CCDC102B: variants seen among roughly 807,000 people sequenced by gnomAD.
CCDC102B encodes the protein coiled-coil domain-containing protein 102B.
A neutral mutation model predicts 57.4 loss-of-function variants in CCDC102B; 75 were observed. That is an observed-to-expected ratio of 1.31 (90% confidence interval 1.08 to 1.58). CCDC102B has a LOEUF of 1.58. Among genes scored for constraint, CCDC102B ranks in the 40% most tolerant of loss-of-function variants. CCDC102B has a pLI of 0.00. For missense variants in CCDC102B, 636 were observed against 582.6 expected, an observed-to-expected ratio of 1.09 and a Z score of -0.94; for synonymous variants, 206 against 201.9, an observed-to-expected ratio of 1.02 and a Z score of -0.17.
intron 4 of CCDC102B, among the ~76,000 whole-genome samples, chr18:68,847,966 T>G (rs924994110): frequency 5.9e-5 from 9 of 151,802 alleles, no homozygotes; most frequent in Non-Finnish European, 1.3e-4. Flanking sequence ...CTGATGTTCT[T>G]ATGTTTTTTT....
chr18:68,729,367 G>A (rs1277804855), intron 2 of CCDC102B, among the ~76,000 whole-genome samples: 1 of 152,080 alleles, frequency 6.6e-6, no homozygotes, highest in Non-Finnish European at 1.5e-5. Flanking sequence ...ATAGAGAAGA[G>A]CAAAAGTCCA....
intron 1 of CCDC102B, among the ~76,000 whole-genome samples, chr18:68,831,969 CTTTT>C (rs1222613507): frequency 6.6e-6 from 1 of 151,704 alleles, no homozygotes; most frequent in East Asian, 1.9e-4. Flanking sequence ...ATTCTTTTTT[CTTTT>C]TATCAGAGTA....
In CCDC102B at chr18:69,054,471, C is replaced by A. The variant is rs112330554; in HGVS notation, c.*334C>A. On this transcript the variant is annotated 3_prime_UTR_variant, in exon 8 of 8. Transcript: ENST00000360242. ...AAGAAAAAGTAAGTTGAAAACCATA[C>A]AAGACGCTGGGTCATTAATAAGAAA... 780 of 1,019,294 alleles carry A rather than the reference C, an allele frequency of 7.7e-4. 4 individuals carry two copies. The African/African-American group carries it at 9.1e-3, about 12-fold the overall frequency. 63.1% of individuals were successfully genotyped at this position (1,019,294 alleles called of 1,614,324 possible). A position where few individuals can be genotyped will look rare whatever the true frequency, so the allele number is the denominator to read the frequency against.
At chr18:68,748,739 T>A (rs2033728283) in intron 2 of CCDC102B, among the ~76,000 whole-genome samples, 1 of 152,170 alleles carries the variant, frequency 6.6e-6, no homozygotes, top group African/African-American at 2.4e-5. Context: ...GCAGATTCTG[T>A]TTTCTGCAAT....
chr18:68,715,272 C>G (rs2031870836), exon 1 of CCDC102B: 10 of 1,300,164 alleles, frequency 7.7e-6, no homozygotes, highest in Non-Finnish European at 9.8e-6. Context: ...GGGAACCCTG[C>G]TTAAGGGCTT....
At chr18:68,874,179 TG>T (rs2039345192) in intron 4 of CCDC102B, among the ~76,000 whole-genome samples, 1 of 108,748 alleles carries the variant, frequency 9.2e-6, no homozygotes, top group Non-Finnish European at 1.8e-5. Flanking sequence ...TATGTGTGTG[TG>T]TGTGTGTGTG....
intron 7 of CCDC102B, among the ~76,000 whole-genome samples, chr18:69,024,081 C>T (rs1555673723): frequency 6.7e-6 from 1 of 148,462 alleles, no homozygotes; most frequent in African/African-American, 2.5e-5. Flanking sequence ...TTTTCCTGTA[C>T]AAAAAAAAAT....
intron 6 of CCDC102B, among the ~76,000 whole-genome samples, chr18:68,996,231 G>A (rs986382232): frequency 1.3e-5 from 2 of 152,230 alleles, no homozygotes; most frequent in African/African-American, 4.8e-5. Context: ...AGAGGAACAT[G>A]GAAGGACCAG....
intron 6 of CCDC102B, among the ~76,000 whole-genome samples, chr18:68,970,808 T>A (rs2050282830): frequency 6.6e-6 from 1 of 152,030 alleles, no homozygotes; most frequent in Admixed American, 6.6e-5. Context: ...GTGGAATCTG[T>A]AATAATTGGG....
At chr18:68,760,854 T>G (rs2034231089) in intron 2 of CCDC102B, among the ~76,000 whole-genome samples, 1 of 151,996 alleles carries the variant, frequency 6.6e-6, no homozygotes, top group Admixed American at 6.6e-5. Flanking sequence ...ATTGAAAACT[T>G]TTCAGGATAG....
chr18:68,959,538 T>C (rs1039465275), intron 6 of CCDC102B, among the ~76,000 whole-genome samples: 25 of 152,040 alleles, frequency 1.6e-4, no homozygotes, highest in African/African-American at 5.3e-4. Flanking sequence ...ACCTAAGGGC[T>C]CGATATTCTG....
At chr18:68,998,008 G>C (rs1025938038) in intron 6 of CCDC102B, among the ~76,000 whole-genome samples, 3 of 151,894 alleles carry the variant, frequency 2.0e-5, no homozygotes, top group Admixed American at 6.6e-5. Flanking sequence ...TTTTCTGTGG[G>C]CTTATGTATT....
At chr18:68,717,797 T>C (rs1460442121) in intron 2 of CCDC102B, among the ~76,000 whole-genome samples, 2 of 152,358 alleles carry the variant, frequency 1.3e-5, no homozygotes, top group African/African-American at 4.8e-5. Flanking sequence ...ATATATACCT[T>C]GTATATTTTG....
intron 2 of CCDC102B, among the ~76,000 whole-genome samples, chr18:68,781,248 A>G (rs2034998891): frequency 6.6e-6 from 1 of 152,120 alleles, no homozygotes; most frequent in Non-Finnish European, 1.5e-5. Context: ...TTGAAAAGAA[A>G]CATCTATGAC....
chr18:69,009,924 A>ATTTTTTTTTTTT (rs770668683), intron 6 of CCDC102B, among the ~76,000 whole-genome samples: 2,099 of 33,492 alleles, frequency 0.063, 771 homozygotes, highest in East Asian at 0.14. Context: ...TTTAATAAAG[A>ATTTTTTTTTTTT]TTTTTTTTTT....
chr18:68,739,955 C>G (rs755869422), intron 2 of CCDC102B, among the ~76,000 whole-genome samples: 9 of 152,158 alleles, frequency 5.9e-5, no homozygotes, highest in Non-Finnish European at 1.3e-4. Context: ...GATATCATTA[C>G]TAGTATGACA....
chr18:68,949,395 C>T (rs947467866), intron 6 of CCDC102B, among the ~76,000 whole-genome samples: 26 of 152,066 alleles, frequency 1.7e-4, no homozygotes, highest in African/African-American at 6.0e-4. Flanking sequence ...ACAATAGAAA[C>T]GAGGCAATGA....
intron 2 of CCDC102B, among the ~76,000 whole-genome samples, chr18:68,742,406 A>C (rs1477320061): frequency 1.3e-5 from 2 of 152,194 alleles, no homozygotes; most frequent in African/African-American, 2.4e-5. Context: ...TCCAGATCCC[A>C]TTTCCAAATA....
chr18:68,976,837 C>G (rs920762840), intron 6 of CCDC102B, among the ~76,000 whole-genome samples: 38 of 151,778 alleles, frequency 2.5e-4, no homozygotes, highest in African/African-American at 8.2e-4. Context: ...TGGCAGGAGA[C>G]TTTCCACATT....
Sources: allele counts gnomAD v4.1 joint callset (sites outside exome capture counted in the v4.1 genomes callset), GRCh38; gene constraint gnomAD v4.1.1; transcripts MANE v1.5; gene names NCBI Gene and HGNC (gene_info 2026-07-23, HGNC 2026-07-21).